Variants in KIF4A observed in about 807,000 individuals in gnomAD.
The protein encoded by KIF4A is chromosome-associated kinesin KIF4A.
KIF4A carries 7 observed loss-of-function variants against 105.9 expected under a neutral mutation model. The ratio of observed to expected loss-of-function variants is 0.07; its 90% confidence interval spans 0.04 to 0.12. The LOEUF is 0.12. Among genes scored for constraint, KIF4A ranks in the 10% least tolerant of loss-of-function variants. The probability of loss-of-function intolerance (pLI) is 1.00; values close to 1 mark genes in which losing one functional copy is unlikely to be tolerated. For missense variants in KIF4A, 558 were observed against 929.2 expected, an observed-to-expected ratio of 0.60 and a Z score of 5.19; for synonymous variants, 281 against 331.3, an observed-to-expected ratio of 0.85 and a Z score of 1.65.
intron 13 of KIF4A, 113 bp from the exon 14 acceptor site, chrX:70,352,487 A>G (rs1246723793): frequency 1.6e-5 from 7 of 434,513 alleles, no homozygotes; most frequent in African/African-American, 1.5e-4. Context: ...AATGGGTCCA[A>G]TATCTTAAAC....
At chrX:70,339,037 A>G (rs1022657358) in intron 10 of KIF4A, among the ~76,000 whole-genome samples, 4 of 103,928 alleles carry the variant, frequency 3.8e-5, no homozygotes, top group African/African-American at 1.4e-4. Context: ...GCGAGCCAAG[A>G]CCACGCCACT....
At chrX:70,351,129 CT>C (rs1569239577) in intron 13 of KIF4A, among the ~76,000 whole-genome samples, 1 of 112,321 alleles carries the variant, frequency 8.9e-6, no homozygotes, top group South Asian at 3.7e-4. Flanking sequence ...ACCATATCAT[CT>C]GTTCTTTTTT....
chrX:70,331,160 CCTT>C (rs1460118303), intron 9 of KIF4A, among the ~76,000 whole-genome samples: 1 of 35,496 alleles, frequency 2.8e-5, no homozygotes, highest in Non-Finnish European at 5.1e-5. Context: ...AATAATAATA[CCTT>C]CTTCTTAGGG....
intron 9 of KIF4A, among the ~76,000 whole-genome samples, chrX:70,332,815 G>C (rs2085936048): frequency 9.0e-6 from 1 of 111,091 alleles, no homozygotes; most frequent in Admixed American, 9.6e-5. Context: ...AGGAGGGAAT[G>C]GGAGAGGATG....
At chrX:70,383,074 C>T (rs1447012390) in intron 18 of KIF4A, among the ~76,000 whole-genome samples, 4 of 109,130 alleles carry the variant, frequency 3.7e-5, no homozygotes, top group African/African-American at 6.7e-5. Flanking sequence ...GTAATACCAG[C>T]TACTGGGGAG....
intron 10 of KIF4A, among the ~76,000 whole-genome samples, chrX:70,339,028 C>A (rs191691375): frequency 9.7e-6 from 1 of 102,647 alleles, no homozygotes; most frequent in East Asian, 3.0e-4. Context: ...GAGCTTGCAG[C>A]GAGCCAAGAC....
chrX:70,407,189 C>T, intron 28 of KIF4A, 114 bp downstream of exon 28: 1 of 797,288 alleles, frequency 1.3e-6, no homozygotes, highest in Non-Finnish European at 1.8e-6. Flanking sequence ...CTCACTGCAA[C>T]CTCTGCCTCC....
At chrX:70,309,722 T>C (rs2085841299) in intron 7 of KIF4A, among the ~76,000 whole-genome samples, 2 of 112,765 alleles carry the variant, frequency 1.8e-5, no homozygotes, top group African/African-American at 3.2e-5. Flanking sequence ...AGTTATATTT[T>C]TCAATATGTT....
chrX:70,419,574 C>G, intron 29 of KIF4A, 87 bp from the exon 30 acceptor site: 1 of 1,096,369 alleles, frequency 9.1e-7, no homozygotes, highest in Non-Finnish European at 1.3e-6. Flanking sequence ...GCACTTAGAG[C>G]TGTTACCTCT....
intron 24 of KIF4A, 64 bp from the exon 25 acceptor site, chrX:70,404,651 A>G: frequency 1.3e-6 from 1 of 772,854 alleles, no homozygotes; most frequent in South Asian, 2.5e-5. Flanking sequence ...GCTTGAACTA[A>G]GTCAAAATTT....
intron 28 of KIF4A, among the ~76,000 whole-genome samples, chrX:70,414,936 ACTTT>A (rs999194928): frequency 6.3e-5 from 7 of 111,730 alleles, no homozygotes; most frequent in Non-Finnish European, 1.3e-4. Flanking sequence ...AAACTATCCC[ACTTT>A]CTTCTACGAT....
intron 18 of KIF4A, among the ~76,000 whole-genome samples, chrX:70,381,740 G>A (rs765673481): frequency 9.0e-5 from 10 of 111,588 alleles, no homozygotes; most frequent in African/African-American, 3.3e-4. Flanking sequence ...TTCTAAAGAT[G>A]GAATACCCTT....
chrX:70,390,346 G>A (rs1214589976), intron 20 of KIF4A, among the ~76,000 whole-genome samples: 3 of 111,826 alleles, frequency 2.7e-5, no homozygotes, highest in Admixed American at 1.9e-4. Flanking sequence ...TAGACTAGGT[G>A]AGAGGCTACA....
Position 70,419,800 on chromosome X carries a change from G to C in KIF4A, c.3495+17G>C, listed in dbSNP as rs1221956531. On this transcript the variant is annotated intron_variant, in intron 30 of 30. Coordinates refer to ENST00000374403, the MANE Select transcript of KIF4A (RefSeq NM_012310.5). ...AATAGCAAGGTAGGTGGGCTAAAAGGCAGGCATTGGAAAACTGGATTAGCG... is the reference window on the plus strand; with the variant it reads ...AATAGCAAGGTAGGTGGGCTAAAAGCCAGGCATTGGAAAACTGGATTAGCG... 3.3e-6 allele frequency: 4 copies of C among 1,208,207 alleles called. No homozygotes were observed. In the East Asian group the frequency reaches 1.2e-4, roughly 36 times the overall value.
At chrX:70,344,445 A>AT (rs1295046469) in intron 13 of KIF4A, among the ~76,000 whole-genome samples, 1 of 111,618 alleles carries the variant, frequency 9.0e-6, no homozygotes, top group Non-Finnish European at 1.9e-5. Flanking sequence ...ATTTTTGTTT[A>AT]TTTTTAGAAC....
intron 17 of KIF4A, 111 bp downstream of exon 17, chrX:70,375,459 A>G: frequency 1.3e-6 from 1 of 772,287 alleles, no homozygotes. Context: ...AGGCAGAGCA[A>G]TCATTTCAAG....
chrX:70,313,735 G>T (rs1240800172), intron 7 of KIF4A, among the ~76,000 whole-genome samples: 1 of 112,384 alleles, frequency 8.9e-6, no homozygotes, highest in African/African-American at 3.2e-5. Flanking sequence ...ACCAGTGATG[G>T]ATTCACAGGA....
At chrX:70,306,482 C>T (rs187740366) in intron 7 of KIF4A, among the ~76,000 whole-genome samples, 162 of 112,334 alleles carry the variant, frequency 1.4e-3, no homozygotes, top group Non-Finnish European at 2.8e-3. Flanking sequence ...AATGTATGAA[C>T]ATCAGATGTC....
intron 7 of KIF4A, among the ~76,000 whole-genome samples, chrX:70,317,706 A>G (rs2085874937): frequency 9.2e-6 from 1 of 108,853 alleles, no homozygotes; most frequent in South Asian, 4.1e-4. Context: ...CACAATTCCC[A>G]GCTAATTTTT....
Sources: allele counts gnomAD v4.1 joint callset (sites outside exome capture counted in the v4.1 genomes callset), GRCh38; gene constraint gnomAD v4.1.1; transcripts MANE v1.5; gene names NCBI Gene and HGNC (gene_info 2026-07-23, HGNC 2026-07-21).